The following THBS2 variants were observed in gnomAD, a reference collection of about 807,000 sequenced individuals.
THBS2 encodes the protein thrombospondin-2.
In THBS2, 47 loss-of-function variants were observed where a neutral mutation model predicts 135.2. The observed-to-expected ratio is 0.35, with a 90% CI of 0.28 to 0.44. THBS2 has a LOEUF of 0.44. Ranked by LOEUF, THBS2 falls within the 20% of genes least tolerant of loss-of-function variation. The pLI, the probability that THBS2 is intolerant of heterozygous loss-of-function variation, is 1.00. For synonymous variants in THBS2, 639 were observed against 633.8 expected (o/e 1.01, Z -0.12); for missense variants, 1,288 against 1,603.1 (o/e 0.80, Z 3.36).
intron 7 of THBS2, 134 bp from the exon 8 acceptor site, chr6:169,237,929 G>T: frequency 8.5e-7 from 1 of 1,172,406 alleles, no homozygotes; most frequent in Non-Finnish European, 1.2e-6. Flanking sequence ...TGCCTGGCTG[G>T]GGCAGGTGGA....
chr6:169,246,587 C>T (rs1410250558), intron 3 of THBS2, among the ~76,000 whole-genome samples: 1 of 152,208 alleles, frequency 6.6e-6, no homozygotes, highest in Non-Finnish European at 1.5e-5. Flanking sequence ...GTGTTCTGGG[C>T]ATGTTCCCAT....
intron 3 of THBS2, among the ~76,000 whole-genome samples, 176 bp downstream of exon 3, chr6:169,248,241 T>G (rs546882791): frequency 6.6e-6 from 1 of 152,136 alleles, no homozygotes; most frequent in African/African-American, 2.4e-5. Context: ...GGGCAGTGTG[T>G]GCATGTGCAT....
rs934576128 is a variant in THBS2, at chr6:169,252,309, C to A, written c.-23+1415G>T. ...TAGAACAGTACCTGCATGCAGTAAG[C>A]ACCACAGAACGGTGTTAGAATACAC... On this transcript the variant is annotated intron_variant, in intron 1 of 21. Transcript: ENST00000617924. This position sits in a 1 kb window ranked among gnomAD's most constrained non-coding sequence, Gnocchi z 4.3. Among the ~76,000 whole-genome samples, 1 of 152,084 alleles carries A rather than the reference C, an allele frequency of 6.6e-6. No homozygotes were observed. The highest frequency in any genetic ancestry group is 1.5e-5 in the Non-Finnish European group (1 of 68,032).
In THBS2 at chr6:169,248,294, C is replaced by T. The variant is rs747784934; in HGVS notation, c.609+123G>A. The T allele has an allele frequency of 6.2e-6, 7 of 1,137,566 alleles. No individual in the cohort carries two copies. In the Admixed American group the frequency reaches 8.6e-5, roughly 14 times the overall value. The allele number at this position is 1,137,566 out of a possible 1,614,324, so 70.5% of individuals were successfully genotyped here. On this transcript the variant is annotated intron_variant, in intron 3 of 21. Coordinates refer to ENST00000617924, the MANE Select transcript of THBS2 (RefSeq NM_003247.5). ...GTGTGTGAGCACATGCCGGGATGTG[C>T]AGTGTGCTTCTCTAAGGCCAGGCTC...
intron 21 of THBS2, among the ~76,000 whole-genome samples, chr6:169,219,346 G>GGATGGATGGATGC (rs1554244185): frequency 1.1e-4 from 14 of 129,132 alleles, no homozygotes; most frequent in African/African-American, 4.3e-4. Flanking sequence ...GTGGGTGGAT[G>GGATGGATGGATGC]GATGGATGGT....
At chr6:169,226,909 G>A (rs79018670) in intron 15 of THBS2, among the ~76,000 whole-genome samples, 4,774 of 152,260 alleles carry the variant, frequency 0.031, 107 homozygotes, top group Non-Finnish European at 0.053. Context: ...GCCTTGCTTT[G>A]GTCAGGTGAG....
intron 20 of THBS2, 28 bp from the exon 21 acceptor site, chr6:169,220,365 A>G (rs772467999): frequency 3.1e-6 from 5 of 1,592,546 alleles, no homozygotes; most frequent in South Asian, 1.1e-5. Flanking sequence ...AAAGAAGAAG[A>G]GGAAAGAAAG....
intron 7 of THBS2, among the ~76,000 whole-genome samples, chr6:169,238,405 G>A (rs1057504548): frequency 8.5e-5 from 13 of 152,160 alleles, no homozygotes; most frequent in Admixed American, 2.6e-4. Flanking sequence ...CAGTGAATGC[G>A]CCATGACTCA....
At chr6:169,219,648 C>T (rs971635854) in intron 21 of THBS2, among the ~76,000 whole-genome samples, 2 of 152,284 alleles carry the variant, frequency 1.3e-5, no homozygotes, top group Non-Finnish European at 2.9e-5. Flanking sequence ...CCCAGCCAAA[C>T]ACATGATTTT....
chr6:169,249,654 A>C (rs2115036919), intron 2 of THBS2, among the ~76,000 whole-genome samples: 1 of 152,350 alleles, frequency 6.6e-6, no homozygotes, highest in South Asian at 2.1e-4. Flanking sequence ...GGTCAGTATC[A>C]AGTACAGAAA....
intron 3 of THBS2, 116 bp downstream of exon 3, chr6:169,248,300 GC>G: frequency 8.2e-7 from 1 of 1,220,018 alleles, no homozygotes; most frequent in Non-Finnish European, 1.1e-6. Context: ...TGTGCAGTGT[GC>G]TTCTCTAAGG....
At chr6:169,251,830 ACC>A (rs10714692) in intron 1 of THBS2, among the ~76,000 whole-genome samples, 16 of 79,116 alleles carry the variant, frequency 2.0e-4, no homozygotes, top group African/African-American at 4.4e-4. Context: ...TGCTGCTGGG[ACC>A]CCCCCCCCAA....
rs2114958790 is a variant in THBS2 at position 169,216,195 on chromosome 6, A to G, written c.*1627T>C. 6.6e-6 allele frequency: 1 copy of G among 152,352 alleles called. No individual in the cohort carries two copies. Among genetic ancestry groups the G allele is most frequent in the South Asian group, 2.1e-4 (1 of 4,828 alleles). 9.4% of individuals were successfully genotyped at this position (152,352 alleles called of 1,614,324 possible). ...AACACAACGATCAACCTCAAAGGAA[A>G]CAACAAAATTAATTTTATCAAAATG... On this transcript the variant is annotated 3_prime_UTR_variant, in exon 22 of 22. Transcript: ENST00000617924.
chr6:169,225,804 A>T (rs1779606464), intron 16 of THBS2, among the ~76,000 whole-genome samples: 1 of 152,178 alleles, frequency 6.6e-6, no homozygotes, highest in African/African-American at 2.4e-5. Flanking sequence ...GCCAATTCCT[A>T]TGTTGGCATC....
chr6:169,241,820 T>C lies in THBS2; in HGVS notation c.833A>G (p.Gln278Arg). 2 of 1,612,848 alleles carry C rather than the reference T, an allele frequency of 1.2e-6. No individual in the cohort carries two copies. The highest frequency in any genetic ancestry group is 2.2e-5 in the East Asian group (1 of 44,864). Residue 278 changes from glutamine to arginine, a missense_variant, in exon 5 of 22, where the codon CAG becomes CGG. Coordinates refer to ENST00000617924, the MANE Select transcript of THBS2 (RefSeq NM_003247.5). This position sits in a 1 kb window ranked among gnomAD's most constrained non-coding sequence, Gnocchi z 5.5. ...GAGGACGTGGAGCCCCGAGAGCTCCTGGACCATGTTTCCCAGCTCCTCGCA... is the reference window on the plus strand; with the variant it reads ...GAGGACGTGGAGCCCCGAGAGCTCCCGGACCATGTTTCCCAGCTCCTCGCA... Reference protein sequence around the residue: ...RSCEELGNMVQELSGLHVLVN... With the variant: ...RSCEELGNMVRELSGLHVLVN...
intron 10 of THBS2, among the ~76,000 whole-genome samples, chr6:169,233,329 C>T (rs1194450439): frequency 6.6e-6 from 1 of 151,874 alleles, no homozygotes. Context: ...CCACAACACA[C>T]AACTACATGT....
At chr6:169,235,208 G>C (rs1779991853) in intron 9 of THBS2, among the ~76,000 whole-genome samples, 1 of 151,940 alleles carries the variant, frequency 6.6e-6, no homozygotes, top group Admixed American at 6.5e-5. Flanking sequence ...TTTTTTAATA[G>C]AGAGGGTCTC....
At chr6:169,221,820 C>A (rs939052291) in intron 19 of THBS2, among the ~76,000 whole-genome samples, 1 of 152,130 alleles carries the variant, frequency 6.6e-6, no homozygotes, top group Non-Finnish European at 1.5e-5. Flanking sequence ...TCTTCTCTTT[C>A]CTTGATATGG....
intron 4 of THBS2, among the ~76,000 whole-genome samples, chr6:169,245,020 A>G (rs1490995161): frequency 2.0e-5 from 3 of 152,244 alleles, no homozygotes; most frequent in African/African-American, 7.2e-5. Flanking sequence ...TTGTGCACCA[A>G]AGATACCAAA....
Sources: gnomAD v4.1 joint callset for allele counts (sites outside exome capture counted in the v4.1 genomes callset) on GRCh38, gnomAD v4.1.1 for gene constraint, Gnocchi (gnomAD v3.1) non-coding constraint, MANE v1.5 for transcripts, NCBI Gene and HGNC (gene_info 2026-07-23, HGNC 2026-07-21) for gene names.